Variants in NUDT19 observed in about 807,000 individuals in gnomAD.
The protein encoded by NUDT19 is acyl-coenzyme A diphosphatase NUDT19.
In NUDT19, 31 loss-of-function variants were observed where a neutral mutation model predicts 22.2. That is an observed-to-expected ratio of 1.40 (90% CI 1.05 to 1.89). The LOEUF (loss-of-function observed/expected upper bound fraction) is 1.89, where lower values mean the gene tolerates loss of function less well. Among genes scored for constraint, NUDT19 ranks in the 40% most tolerant of loss-of-function variants. The pLI, the probability that NUDT19 is intolerant of heterozygous loss-of-function variation, is 0.00. For missense variants in NUDT19, 752 were observed against 514.2 expected (o/e 1.46, Z -4.47); for synonymous variants, 325 against 230.8 (o/e 1.41, Z -3.70).
intron 1 of NUDT19, among the ~76,000 whole-genome samples, chr19:32,707,498 C>T (rs1010394873): frequency 6.6e-6 from 1 of 152,136 alleles, no homozygotes; most frequent in Non-Finnish European, 1.5e-5. Flanking sequence ...GGCTTGGGGG[C>T]GAGAATCAGT....
intron 1 of NUDT19, among the ~76,000 whole-genome samples, chr19:32,696,642 C>T (rs989399493): frequency 6.6e-6 from 1 of 152,104 alleles, no homozygotes; most frequent in South Asian, 2.1e-4. Context: ...TATATCCCTC[C>T]CTAATAAGGG....
At chr19:32,696,041 C>A (rs1011662651) in intron 1 of NUDT19, among the ~76,000 whole-genome samples, 1 of 152,148 alleles carries the variant, frequency 6.6e-6, no homozygotes, top group Non-Finnish European at 1.5e-5. Context: ...GATTAGCTAA[C>A]GGGACTTCTA....
intron 1 of NUDT19, among the ~76,000 whole-genome samples, chr19:32,698,741 A>G (rs1968296634): frequency 6.6e-6 from 1 of 152,152 alleles, no homozygotes; most frequent in African/African-American, 2.4e-5. Context: ...CCTTACCAAC[A>G]CATTCTCGAA....
chr19:32,697,739 AG>A (rs1968281757), intron 1 of NUDT19, among the ~76,000 whole-genome samples: 1 of 152,174 alleles, frequency 6.6e-6, no homozygotes, highest in African/African-American at 2.4e-5. Context: ...ATTAAAGGCC[AG>A]GGTTTGATCT....
At position 32,692,206 on chromosome 19, in the gene NUDT19, G is replaced by A. The variant is rs768041039; in HGVS notation, c.246G>A (p.Pro82=). ...RSADWLGLFA[P]HHGPPRFGLG... ...CGGACTGGCTGGGCCTCTTCGCGCC[G>A]CACCACGGGCCGCCGCGCTTCGGCC... is the stretch of plus-strand genomic sequence containing the variant. The change falls in exon 1 of 3, where the codon CCG becomes CCA. Residue 82 remains proline (P), a synonymous_variant. Coordinates refer to ENST00000397061, the MANE Select transcript of NUDT19 (RefSeq NM_001105570.2). 64 of 1,577,358 alleles carry A rather than the reference G, an allele frequency of 4.1e-5. No homozygotes were observed. Among genetic ancestry groups the A allele is most frequent in the Non-Finnish European group, 5.3e-5 (62 of 1,171,152 alleles).
chr19:32,698,349 C>G (rs1968289968), intron 1 of NUDT19, among the ~76,000 whole-genome samples: 1 of 152,086 alleles, frequency 6.6e-6, no homozygotes. Context: ...GTCCCAGTGG[C>G]TTAGGATGCA....
chr19:32,702,225 T>C (rs1968343272), intron 1 of NUDT19, among the ~76,000 whole-genome samples: 1 of 152,144 alleles, frequency 6.6e-6, no homozygotes, highest in Non-Finnish European at 1.5e-5. Flanking sequence ...GTCAACACCA[T>C]TAGAGGGTAA....
chr19:32,693,521 G>C (rs1327290231), intron 1 of NUDT19, among the ~76,000 whole-genome samples: 1 of 152,200 alleles, frequency 6.6e-6, no homozygotes, highest in Non-Finnish European at 1.5e-5. Flanking sequence ...GGGGATCAGA[G>C]CAGGTTGGGT....
At chr19:32,707,627 G>A (rs973224743) in intron 1 of NUDT19, among the ~76,000 whole-genome samples, 3 of 150,296 alleles carry the variant, frequency 2.0e-5, no homozygotes, top group Non-Finnish European at 4.4e-5. Context: ...GGTGGATCAC[G>A]AGGTCAGGAT....
intron 2 of NUDT19, among the ~76,000 whole-genome samples, chr19:32,709,988 C>T (rs1216453522): frequency 6.6e-6 from 1 of 151,594 alleles, no homozygotes; most frequent in Non-Finnish European, 1.5e-5. Flanking sequence ...GTTTGAATTA[C>T]GAGAACTCGT....
At chr19:32,707,685 A>G (rs1336257299) in intron 1 of NUDT19, among the ~76,000 whole-genome samples, 7 of 151,096 alleles carry the variant, frequency 4.6e-5, no homozygotes, top group African/African-American at 1.7e-4. Context: ...TCTACTAAAG[A>G]TACAAAAATT....
intron 1 of NUDT19, among the ~76,000 whole-genome samples, chr19:32,693,463 A>C (rs12611419): frequency 2.0e-5 from 3 of 152,244 alleles, no homozygotes; most frequent in East Asian, 1.9e-4. Context: ...AGTGAGCAGC[A>C]GCAAGATTTA....
Position 32,712,180 on chromosome 19 carries a change from T to C in NUDT19, c.*223T>C, listed in dbSNP as rs1014878500. On this transcript the variant is annotated 3_prime_UTR_variant, in exon 3 of 3. Coordinates refer to ENST00000397061, the MANE Select transcript of NUDT19 (RefSeq NM_001105570.2). ...AGCTCTGCCTCAGGGGTTCATGCCATTCTCCTGCCTCAGCCTCCCGAGTAG... is the reference window on the plus strand; with the variant it reads ...AGCTCTGCCTCAGGGGTTCATGCCACTCTCCTGCCTCAGCCTCCCGAGTAG... The C allele has an allele frequency of 1.2e-5, 5 of 419,504 alleles. No individual in the cohort carries two copies. The East Asian group carries it at 2.2e-4, about 18-fold the overall frequency. The allele number at this position is 419,504 out of a possible 1,614,324, so 26.0% of individuals were successfully genotyped here. A position where few individuals can be genotyped will look rare whatever the true frequency, so the allele number is the denominator to read the frequency against.
intron 1 of NUDT19, among the ~76,000 whole-genome samples, chr19:32,705,440 A>T (rs1216069480): frequency 6.6e-6 from 1 of 151,998 alleles, no homozygotes; most frequent in Non-Finnish European, 1.5e-5. Flanking sequence ...AAAAAAGAAA[A>T]ACAAAAAGAG....
At chr19:32,704,857 A>C (rs865921942) in intron 1 of NUDT19, among the ~76,000 whole-genome samples, 1 of 152,088 alleles carries the variant, frequency 6.6e-6, no homozygotes. Context: ...CTATAATCCC[A>C]GCACTTTGGG....
rs77311739 is a variant in NUDT19, at chr19:32,710,506, C to A, written c.922+1114C>A. Among the ~76,000 whole-genome samples the A allele has an allele frequency of 8.7e-3, 1,308 of 150,964 alleles. 41 individuals are homozygous for A. In the East Asian group the frequency reaches 0.1, roughly 12 times the overall value. ...GCTCAGGAGGCTGAGGCAGGAGAAT[C>A]ACTTGAACCCAGGAGGTAGAGGTTG... is the stretch of plus-strand genomic sequence containing the variant. On this transcript the variant is annotated intron_variant, in intron 2 of 2. Coordinates refer to ENST00000397061, the MANE Select transcript of NUDT19 (RefSeq NM_001105570.2).
intron 1 of NUDT19, among the ~76,000 whole-genome samples, chr19:32,700,667 C>T (rs937201741): frequency 1.3e-5 from 2 of 152,130 alleles, no homozygotes; most frequent in South Asian, 2.1e-4. Context: ...TGGCCTCAAG[C>T]GACCGTCCAG....
In NUDT19 at chr19:32,703,251, T is replaced by C. The variant is rs141048749; in HGVS notation, c.715-5934T>C. The stretch of plus-strand genomic sequence containing the variant: ...CCCAACCTCAGGTAATCCGCACACC[T>C]CGGCCTCCCAAAGTGCTGGGATTAC... On this transcript the variant is annotated intron_variant, in intron 1 of 2. Coordinates refer to ENST00000397061, the MANE Select transcript of NUDT19 (RefSeq NM_001105570.2). 2.1e-4 allele frequency among the ~76,000 whole-genome samples: 32 copies of C among 152,278 alleles called. No homozygotes were observed. In the East Asian group the frequency reaches 5.0e-3, roughly 24 times the overall value.
At chr19:32,701,199 GTTTTTTTTT>G (rs3042685) in intron 1 of NUDT19, among the ~76,000 whole-genome samples, 130 of 101,026 alleles carry the variant, frequency 1.3e-3, no homozygotes, top group African/African-American at 5.0e-3. Flanking sequence ...CATCTTGCAG[GTTTTTTTTT>G]TTTTTTTTTT....
Sources: allele counts gnomAD v4.1 joint callset (sites outside exome capture counted in the v4.1 genomes callset), GRCh38; gene constraint gnomAD v4.1.1; transcripts MANE v1.5; gene names NCBI Gene and HGNC (gene_info 2026-07-23, HGNC 2026-07-21).